FGGY: variants seen among roughly 807,000 people sequenced by gnomAD.
FGGY encodes the protein FGGY carbohydrate kinase domain-containing protein.
A neutral mutation model predicts 71.3 loss-of-function variants in FGGY; 72 were observed. The ratio of observed to expected loss-of-function variants is 1.01; its 90% confidence interval spans 0.84 to 1.23. FGGY has a LOEUF of 1.23. FGGY is among the 50% of genes most tolerant of loss of function. The pLI, the probability that FGGY is intolerant of heterozygous loss-of-function variation, is 0.00. For synonymous variants in FGGY, 251 were observed against 250.3 expected, an observed-to-expected ratio of 1.00 and a Z score of -0.02; for missense variants, 668 against 682.3, an observed-to-expected ratio of 0.98 and a Z score of 0.23.
At chr1:59,758,068 A>C in intron 15 of FGGY, 76 bp downstream of exon 15, 1 of 1,052,666 alleles carries the variant, frequency 9.5e-7, no homozygotes. Flanking sequence ...ATAGATCTGG[A>C]ATAAACTCAG....
chr1:59,742,484 C>A (rs1012762064), intron 14 of FGGY, among the ~76,000 whole-genome samples: 1 of 152,240 alleles, frequency 6.6e-6, no homozygotes, highest in East Asian at 1.9e-4. Context: ...TTTCCTTTCT[C>A]CTCTCCCCAA....
At chr1:59,393,379 GT>G (rs1410048861) in intron 5 of FGGY, 1 of 152,090 alleles carries the variant, frequency 6.6e-6, no homozygotes, top group African/African-American at 2.4e-5. Flanking sequence ...TGAGCCAACC[GT>G]GAAGTCATTT....
intron 7 of FGGY, chr1:59,553,887 A>G (rs2095645766): frequency 2.7e-6 from 1 of 375,904 alleles, no homozygotes; most frequent in South Asian, 9.8e-5. Flanking sequence ...TGCCATTATT[A>G]TAACGTTGGG....
intron 8 of FGGY, among the ~76,000 whole-genome samples, chr1:59,564,737 T>A (rs1458549564): frequency 6.6e-6 from 1 of 152,236 alleles, no homozygotes; most frequent in African/African-American, 2.4e-5. Context: ...TCATAAAACC[T>A]ACTCTACCCT....
At chr1:59,602,800 T>C (rs565337616) in intron 8 of FGGY, among the ~76,000 whole-genome samples, 1 of 152,368 alleles carries the variant, frequency 6.6e-6, no homozygotes, top group Admixed American at 6.5e-5. Flanking sequence ...GGGCTCGTAC[T>C]GCACTCCTCT....
chr1:59,430,364 A>G (rs1320529378), intron 5 of FGGY, among the ~76,000 whole-genome samples: 1 of 152,126 alleles, frequency 6.6e-6, no homozygotes, highest in Non-Finnish European at 1.5e-5. Context: ...CACCCTGAAT[A>G]TTGGAGTTGG....
chr1:59,324,634 A>G (rs2047057560), intron 2 of FGGY, among the ~76,000 whole-genome samples: 1 of 152,168 alleles, frequency 6.6e-6, no homozygotes, highest in Non-Finnish European at 1.5e-5. Flanking sequence ...TAGAAAAACA[A>G]TGAGCTTTGA....
At chr1:59,410,771 T>TA (rs2153425574) in intron 5 of FGGY, among the ~76,000 whole-genome samples, 1 of 152,316 alleles carries the variant, frequency 6.6e-6, no homozygotes, top group Admixed American at 6.5e-5. Flanking sequence ...TTTTTGTTTT[T>TA]ATTGTATTTT....
intron 2 of FGGY, among the ~76,000 whole-genome samples, chr1:59,338,445 A>G (rs918078918): frequency 2.0e-5 from 3 of 152,138 alleles, no homozygotes; most frequent in African/African-American, 7.2e-5. Context: ...AAAATTTCCC[A>G]GTGAAGCATT....
intron 9 of FGGY, among the ~76,000 whole-genome samples, chr1:59,611,865 T>G (rs1365413083): frequency 6.6e-6 from 1 of 152,188 alleles, no homozygotes; most frequent in Non-Finnish European, 1.5e-5. Flanking sequence ...CAAGCCTCAG[T>G]AGCCGATTTG....
chr1:59,487,995 A>G lies in FGGY; in HGVS notation c.671-24316A>G, dbSNP rs185787114. 3.8e-3 allele frequency among the ~76,000 whole-genome samples: 583 copies of G among 152,290 alleles called. 6 individuals are homozygous for G. The highest frequency in any genetic ancestry group is 0.013 in the African/African-American group (557 of 41,552). ...TTCAGCACTCTGATACAGTACCCCA[A>G]AACAATTTTAGTTCACTTTGCCTTT... On this transcript the variant is annotated intron_variant, in intron 6 of 15. Transcript: ENST00000303721.
At chr1:59,719,332 G>A (rs1372644973) in intron 14 of FGGY, among the ~76,000 whole-genome samples, 3 of 152,074 alleles carry the variant, frequency 2.0e-5, no homozygotes, top group Non-Finnish European at 4.4e-5. Context: ...GAATCAGAAG[G>A]ATATGAGTTA....
chr1:59,432,600 A>G (rs1163447277), intron 5 of FGGY, among the ~76,000 whole-genome samples: 1 of 152,198 alleles, frequency 6.6e-6, no homozygotes, highest in African/African-American at 2.4e-5. Context: ...TGCAGAAAAA[A>G]GTTTTTCCCC....
chr1:59,665,856 G>A (rs914262816), intron 12 of FGGY, among the ~76,000 whole-genome samples: 1 of 152,014 alleles, frequency 6.6e-6, no homozygotes, highest in Admixed American at 6.5e-5. Flanking sequence ...TGTATTTTTA[G>A]TAGAGATGGG....
chr1:59,349,174 G>A (rs534528558), intron 4 of FGGY, among the ~76,000 whole-genome samples: 1 of 152,278 alleles, frequency 6.6e-6, no homozygotes, highest in South Asian at 2.1e-4. Context: ...TTAAATCCAT[G>A]TCTGCTGGGC....
At chr1:59,451,347 C>T (rs1177612344) in intron 5 of FGGY, among the ~76,000 whole-genome samples, 1 of 150,094 alleles carries the variant, frequency 6.7e-6, no homozygotes, top group African/African-American at 2.5e-5. Flanking sequence ...TTTTCAGTTC[C>T]AGACTGTTAC....
Position 59,762,586 on chromosome 1 carries a change from C to T in FGGY, c.*2C>T, listed in dbSNP as rs750988053. On this transcript the variant is annotated 3_prime_UTR_variant, in exon 16 of 16. Coordinates refer to ENST00000303721, the MANE Select transcript of FGGY (RefSeq NM_018291.5). The stretch of plus-strand genomic sequence containing the variant: ...TTGGCGATCATGAATGATGACTGAA[C>T]AGGGCTTGCAGGTGCTGATGCCAGA... 1 of 1,612,204 alleles carries T rather than the reference C, an allele frequency of 6.2e-7. No individual in the cohort carries two copies. Among genetic ancestry groups the T allele is most frequent in the Non-Finnish European group, 8.5e-7 (1 of 1,178,618 alleles).
chr1:59,646,177 G>C (rs2153907284), intron 11 of FGGY, among the ~76,000 whole-genome samples: 1 of 152,336 alleles, frequency 6.6e-6, no homozygotes, highest in South Asian at 2.1e-4. Context: ...TTCCGATAGG[G>C]AGATGGATGA....
At chr1:59,589,098 T>G (rs1422379721) in intron 8 of FGGY, among the ~76,000 whole-genome samples, 2 of 152,058 alleles carry the variant, frequency 1.3e-5, no homozygotes, top group Non-Finnish European at 2.9e-5. Flanking sequence ...GAGGAAGATC[T>G]CCCATGCAAA....
Sources: gnomAD v4.1 joint callset for allele counts (sites outside exome capture counted in the v4.1 genomes callset) on GRCh38, gnomAD v4.1.1 for gene constraint, MANE v1.5 for transcripts, NCBI Gene and HGNC (gene_info 2026-07-23, HGNC 2026-07-21) for gene names.